Variants in DOCK10 observed in about 807,000 individuals in gnomAD.
The protein encoded by DOCK10 is dedicator of cytokinesis protein 10.
Under a neutral mutation model 280.1 loss-of-function variants are expected in DOCK10, and 145 were observed. The observed-to-expected ratio is 0.52, with a 90% CI of 0.45 to 0.59. DOCK10 has a LOEUF of 0.59. Ranked by LOEUF, DOCK10 falls within the 20% of genes least tolerant of loss-of-function variation. The pLI is 0.00. For missense variants in DOCK10, 2,368 were observed against 2,651.7 expected (o/e 0.89, Z 2.35); for synonymous variants, 915 against 942.2 (o/e 0.97, Z 0.53).
rs1243903977 is a variant in DOCK10 at position 224,885,683 on chromosome 2, T to C, written c.735A>G (p.Thr245=). 6.2e-7 allele frequency: 1 copy of C among 1,609,334 alleles called. No homozygotes were observed. Among genetic ancestry groups the C allele is most frequent in the Non-Finnish European group, 8.5e-7 (1 of 1,177,430 alleles). Residue 245 remains threonine, a synonymous_variant, in exon 7 of 56, where the codon ACA becomes ACG. Transcript: ENST00000258390. ...GATGTCTACTCACCTGCACCACTCC[T>C]GTACAGGAATCCAAAAAGATGCATC... ...PKGCIFLDSC[T]GVVQNNRLRK... is the part of the protein sequence containing the mutation.
At chr2:224,940,506 G>A (rs957137196) in intron 1 of DOCK10, among the ~76,000 whole-genome samples, 71 of 152,154 alleles carry the variant, frequency 4.7e-4, no homozygotes, top group African/African-American at 1.7e-3. Context: ...TGGGAATTTA[G>A]GTTTGGTAAA....
intron 1 of DOCK10, among the ~76,000 whole-genome samples, chr2:224,971,504 C>T (rs1191158425): frequency 4.6e-5 from 7 of 151,970 alleles, no homozygotes; most frequent in Admixed American, 3.9e-4. Context: ...AGGGCCACAC[C>T]GGATGGGTGA....
rs34881146 is a variant in DOCK10 at position 224,986,610 on chromosome 2, G to GCTCT, written c.124-54946_124-54943dup. Among the ~76,000 whole-genome samples the GCTCT allele has an allele frequency of 2.9e-3, 433 of 149,560 alleles. 1 individual carries two copies. Among genetic ancestry groups the GCTCT allele is most frequent in the Middle Eastern group, 6.9e-3 (2 of 288 alleles). On this transcript the variant is annotated intron_variant, in intron 1 of 55. Transcript: ENST00000258390. ...CTTATAAGAAGAGGAATAAACACCA[G>GCTCT]CTCTCTCTCTCTCTCTCTCTGTCTT...
At position 224,864,546 on chromosome 2, in the gene DOCK10, A is replaced by G. The variant is rs1007745725; in HGVS notation, c.1602+7T>C. The G allele has an allele frequency of 6.3e-7, 1 of 1,580,738 alleles. No homozygotes were observed. On this transcript the variant is annotated splice_region_variant and intron_variant, in intron 13 of 55. Coordinates refer to ENST00000258390, the MANE Select transcript of DOCK10 (RefSeq NM_014689.3). ...GAAGTGAAGTTATTTATAAGATTAT[A>G]CATTACCTTGTTGGAGTCTGGGTTC...
chr2:224,811,394 C>G (rs1356891680), intron 31 of DOCK10, among the ~76,000 whole-genome samples: 1 of 152,112 alleles, frequency 6.6e-6, no homozygotes, highest in Non-Finnish European at 1.5e-5. Flanking sequence ...AGCCCTTTGT[C>G]AAATGAGTAG....
chr2:224,917,307 A>C (rs568714600), intron 2 of DOCK10, among the ~76,000 whole-genome samples: 43 of 152,046 alleles, frequency 2.8e-4, no homozygotes, highest in Middle Eastern at 3.4e-3. Context: ...GGGTTTCACC[A>C]TGTTGGCCAG....
At chr2:225,016,400 TTA>T (rs1361868657) in intron 1 of DOCK10, among the ~76,000 whole-genome samples, 1 of 151,866 alleles carries the variant, frequency 6.6e-6, no homozygotes, top group Non-Finnish European at 1.5e-5. Context: ...TATGATGTTC[TTA>T]TATGAGTAAG....
chr2:224,920,308 A>G (rs757211964), intron 2 of DOCK10, among the ~76,000 whole-genome samples: 10 of 149,940 alleles, frequency 6.7e-5, no homozygotes, highest in Non-Finnish European at 1.2e-4. Context: ...TCCTGGACTC[A>G]AGTGATCTGC....
At chr2:224,900,400 G>A (rs1700228669) in intron 3 of DOCK10, among the ~76,000 whole-genome samples, 1 of 152,100 alleles carries the variant, frequency 6.6e-6, no homozygotes. Context: ...CCATTTTATA[G>A]ATTAGAGAGG....
At chr2:224,868,671 C>T (rs1480173536) in intron 11 of DOCK10, among the ~76,000 whole-genome samples, 1 of 151,964 alleles carries the variant, frequency 6.6e-6, no homozygotes, top group Non-Finnish European at 1.5e-5. Context: ...CTTGCCAGCT[C>T]CCTTACTGTT....
chr2:224,857,528 G>C (rs1483249962), intron 14 of DOCK10, among the ~76,000 whole-genome samples: 1 of 152,158 alleles, frequency 6.6e-6, no homozygotes, highest in African/African-American at 2.4e-5. Context: ...TCAGACTGTT[G>C]TTTTAAAGAA....
At position 224,774,952 on chromosome 2, in the gene DOCK10, T is replaced by G. The variant is rs748909308; in HGVS notation, c.5966A>C (p.Lys1989Thr). ...GCACTGCTCCGCCACCCCACCGTGC[T>G]TCTTGCCCGACAGCGTGAAGGGTGT... Reference protein sequence around the residue: ...FETPFTLSGKKHGGVAEQCKR... With the variant: ...FETPFTLSGKTHGGVAEQCKR... The change falls in exon 52 of 56, where the codon AAG (lysine) becomes ACG (threonine). Residue 1989 changes from lysine (K) to threonine (T), a missense_variant. Physicochemically the swap from Lys to Thr is moderately conservative, Grantham distance 78 (BLOSUM62 -1). Around this residue, in one of 2 missense-constraint regions of DOCK10, gnomAD observed 1,159 missense variants for 1,400.8 expected, o/e 0.83. Coordinates refer to ENST00000258390, the MANE Select transcript of DOCK10 (RefSeq NM_014689.3). The G allele has an allele frequency of 6.2e-7, 1 of 1,610,166 alleles. No homozygotes were observed. Among genetic ancestry groups the G allele is most frequent in the African/African-American group, 1.3e-5 (1 of 74,912 alleles).
intron 55 of DOCK10, among the ~76,000 whole-genome samples, chr2:224,766,356 A>G (rs2124909113): frequency 6.6e-6 from 1 of 152,322 alleles, no homozygotes; most frequent in Non-Finnish European, 1.5e-5. Flanking sequence ...TTTAAAATAT[A>G]TTTTTGTACA....
chr2:225,023,640 C>A (rs1321934504), intron 1 of DOCK10, among the ~76,000 whole-genome samples: 1 of 152,130 alleles, frequency 6.6e-6, no homozygotes, highest in Admixed American at 6.6e-5. Context: ...GCACAACAAG[C>A]TGGCAGTATT....
chr2:224,885,752 A>G lies in DOCK10; in HGVS notation c.666T>C (p.Ile222=). Residue 222 remains isoleucine, a synonymous_variant, in exon 7 of 56, where the codon ATT becomes ATC. Transcript: ENST00000258390. Reference sequence around the variant, plus strand: ...TTTTCTCATCTTTGTAAAAGTTCATAATGTAGGAGTTATCTGGTAACTGAG... The same window carrying G: ...TTTTCTCATCTTTGTAAAAGTTCATGATGTAGGAGTTATCTGGTAACTGAG... ...QLTQLPDNSY[I]MNFYKDEKIS... is the part of the protein sequence containing the mutation. 1 of 1,613,666 alleles carries G rather than the reference A, an allele frequency of 6.2e-7. No individual in the cohort carries two copies. Among genetic ancestry groups the G allele is most frequent in the Non-Finnish European group, 8.5e-7 (1 of 1,179,806 alleles).
At chr2:225,018,293 A>T (rs1559965457) in intron 1 of DOCK10, among the ~76,000 whole-genome samples, 1 of 151,766 alleles carries the variant, frequency 6.6e-6, no homozygotes. Flanking sequence ...GAGAAACGCT[A>T]ACCCAGGGGT....
intron 50 of DOCK10, among the ~76,000 whole-genome samples, chr2:224,781,108 T>G (rs1275271690): frequency 6.6e-6 from 1 of 152,070 alleles, no homozygotes; most frequent in African/African-American, 2.4e-5. Flanking sequence ...ATGACAACAA[T>G]GATGAAAAAT....
chr2:224,812,282 CTGTT>C (rs1574862912), intron 31 of DOCK10, among the ~76,000 whole-genome samples: 1 of 152,090 alleles, frequency 6.6e-6, no homozygotes, highest in Non-Finnish European at 1.5e-5. Flanking sequence ...ATTTGGCTCT[CTGTT>C]TGTCTGTTCT....
At chr2:224,856,214 T>C (rs1427185847) in intron 15 of DOCK10, among the ~76,000 whole-genome samples, 1 of 152,222 alleles carries the variant, frequency 6.6e-6, no homozygotes, top group Non-Finnish European at 1.5e-5. Flanking sequence ...CAGCGTTGCA[T>C]TGTGTATTCT....
Sources: gnomAD v4.1 joint callset for allele counts (sites outside exome capture counted in the v4.1 genomes callset) on GRCh38, gnomAD v4.1.1 for gene constraint, gnomAD v4.1.1 regional missense constraint, MANE v1.5 for transcripts, NCBI Gene and HGNC (gene_info 2026-07-23, HGNC 2026-07-21) for gene names.